The following DACH2 variants were observed in gnomAD, a reference collection of about 807,000 sequenced individuals.
The protein encoded by DACH2 is dachshund homolog 2.
DACH2 carries 17 observed loss-of-function variants against 35.8 expected under a neutral mutation model. The observed-to-expected ratio is 0.48, with a 90% CI of 0.33 to 0.71. The LOEUF is 0.71. Ranked by LOEUF, DACH2 falls within the 30% of genes least tolerant of loss-of-function variation. DACH2 has a pLI of 0.02. For missense variants in DACH2, 469 were observed against 472.7 expected, an observed-to-expected ratio of 0.99 and a Z score of 0.07; for synonymous variants, 195 against 177.3, an observed-to-expected ratio of 1.10 and a Z score of -0.79.
intron 1 of DACH2, among the ~76,000 whole-genome samples, chrX:86,291,117 T>C (rs1424123114): frequency 9.5e-6 from 1 of 105,110 alleles, no homozygotes; most frequent in African/African-American, 3.5e-5. Context: ...TGGTTTGTAG[T>C]TCTCCTTGAA....
At chrX:86,827,426 T>C (rs1264771687) in intron 11 of DACH2, among the ~76,000 whole-genome samples, 1 of 111,563 alleles carries the variant, frequency 9.0e-6, no homozygotes, top group African/African-American at 3.3e-5. Flanking sequence ...AAGCATATTT[T>C]AGAGTTAGGG....
intron 3 of DACH2, among the ~76,000 whole-genome samples, chrX:86,601,166 G>A (rs956955163): frequency 1.8e-5 from 2 of 111,231 alleles, no homozygotes; most frequent in Non-Finnish European, 3.8e-5. Flanking sequence ...TTTGAAAGTC[G>A]TATTAATGGA....
intron 6 of DACH2, among the ~76,000 whole-genome samples, chrX:86,727,616 A>G (rs1001621845): frequency 3.2e-4 from 35 of 110,759 alleles, no homozygotes; most frequent in African/African-American, 1.1e-3. Context: ...TCTGTGCTGA[A>G]AACTGAGCTC....
chrX:86,164,431 A>C, intron 1 of DACH2, among the ~76,000 whole-genome samples: 1 of 111,539 alleles, frequency 9.0e-6, no homozygotes, highest in Non-Finnish European at 1.9e-5. Context: ...GAAGCTCTTA[A>C]ATTTAATTAG....
intron 2 of DACH2, among the ~76,000 whole-genome samples, chrX:86,420,212 C>G (rs918400609): frequency 3.6e-5 from 4 of 111,835 alleles, no homozygotes; most frequent in African/African-American, 1.3e-4. Flanking sequence ...GGTGAAGGTA[C>G]AGTGCCAGTG....
intron 4 of DACH2, among the ~76,000 whole-genome samples, chrX:86,684,529 A>G (rs2040919063): frequency 9.0e-6 from 1 of 111,221 alleles, no homozygotes; most frequent in Non-Finnish European, 1.9e-5. Flanking sequence ...GTAGGTATAT[A>G]TACTTAAATT....
At chrX:86,775,151 C>A (rs1054288178) in intron 7 of DACH2, among the ~76,000 whole-genome samples, 2 of 111,338 alleles carry the variant, frequency 1.8e-5, no homozygotes, top group African/African-American at 6.5e-5. Context: ...TAAGAGTAGG[C>A]GCAATGGACT....
At chrX:86,444,054 A>G (rs2037217495) in intron 2 of DACH2, among the ~76,000 whole-genome samples, 1 of 111,141 alleles carries the variant, frequency 9.0e-6, no homozygotes, top group African/African-American at 3.3e-5. Flanking sequence ...TTTTTGGAAT[A>G]ATTTGAGATA....
chrX:86,665,458 G>A (rs2148418290), intron 4 of DACH2, among the ~76,000 whole-genome samples: 1 of 111,535 alleles, frequency 9.0e-6, no homozygotes, highest in South Asian at 3.8e-4. Context: ...AAGATTTTGT[G>A]TTTTCAGTCT....
intron 2 of DACH2, among the ~76,000 whole-genome samples, chrX:86,450,086 T>C (rs187856529): frequency 9.0e-6 from 1 of 111,449 alleles, no homozygotes; most frequent in East Asian, 2.8e-4. Flanking sequence ...TTATTTTAAG[T>C]TCTGGGGTAC....
chrX:86,238,609 C>T (rs1209923315), intron 1 of DACH2, among the ~76,000 whole-genome samples: 2 of 111,195 alleles, frequency 1.8e-5, no homozygotes, highest in Non-Finnish European at 3.8e-5. Context: ...ATAATGAAAA[C>T]TCAACATTCA....
At chrX:86,163,727 G>A (rs1450478470) in intron 1 of DACH2, among the ~76,000 whole-genome samples, 1 of 110,854 alleles carries the variant, frequency 9.0e-6, no homozygotes, top group East Asian at 2.8e-4. Context: ...GAGGATAATA[G>A]CCTCCAGCCT....
chrX:86,263,108 A>C (rs2033656354), intron 1 of DACH2: 2 of 425,849 alleles, frequency 4.7e-6, no homozygotes, highest in Non-Finnish European at 5.9e-6. Flanking sequence ...GACATTATGT[A>C]AGGAAAAGAG....
chrX:86,821,513 T>A (rs2042512024), intron 11 of DACH2, among the ~76,000 whole-genome samples: 1 of 111,498 alleles, frequency 9.0e-6, no homozygotes, highest in Non-Finnish European at 1.9e-5. Flanking sequence ...GGCCTGTGTC[T>A]TTTTATTTTC....
intron 1 of DACH2, among the ~76,000 whole-genome samples, chrX:86,339,011 A>G (rs770328151): frequency 8.9e-6 from 1 of 111,852 alleles, no homozygotes; most frequent in African/African-American, 3.2e-5. Flanking sequence ...CCAAGTCTAA[A>G]CCAGGAAGAA....
rs138952617 is a variant in DACH2 at position 86,240,251 on chromosome X, C to T, written c.488+91143C>T. Among the ~76,000 whole-genome samples, 43 of 110,963 alleles carry T rather than the reference C, an allele frequency of 3.9e-4. 1 individual carries two copies. In the East Asian group the frequency reaches 8.7e-3, roughly 23 times the overall value. ...AGCTCAATTTAGAATTGTAAACATA[C>T]GCTCATCACACCAGAGAGTTTTGTT... On this transcript the variant is annotated intron_variant, in intron 1 of 11. Transcript: ENST00000373125.
intron 7 of DACH2, among the ~76,000 whole-genome samples, chrX:86,776,041 A>T (rs1262865543): frequency 1.8e-5 from 2 of 111,676 alleles, no homozygotes; most frequent in Non-Finnish European, 3.8e-5. Flanking sequence ...TGCCTGCTTA[A>T]TAACTATAAC....
At chrX:86,420,012 G>T (rs890134168) in intron 2 of DACH2, among the ~76,000 whole-genome samples, 1 of 111,962 alleles carries the variant, frequency 8.9e-6, no homozygotes, top group Non-Finnish European at 1.9e-5. Context: ...ACGTTGAAGC[G>T]TTATTGTGAA....
intron 3 of DACH2, among the ~76,000 whole-genome samples, chrX:86,562,309 T>C (rs1285978902): frequency 9.0e-6 from 1 of 111,258 alleles, no homozygotes; most frequent in Admixed American, 9.6e-5. Flanking sequence ...CTTCTCAATT[T>C]ATCTGTGGCA....
Sources: allele counts gnomAD v4.1 joint callset (sites outside exome capture counted in the v4.1 genomes callset), GRCh38; gene constraint gnomAD v4.1.1; transcripts MANE v1.5; gene names NCBI Gene and HGNC (gene_info 2026-07-23, HGNC 2026-07-21).